The following KLRD1 variants were observed in gnomAD, a reference collection of about 807,000 sequenced individuals.
KLRD1 encodes the protein killer cell lectin like receptor D1, also known as natural killer cells antigen CD94.
KLRD1 carries 21 observed loss-of-function variants against 22.6 expected under a neutral mutation model. That is an observed-to-expected ratio of 0.93 (90% CI 0.66 to 1.34). The LOEUF is 1.34. Ranked by LOEUF, KLRD1 falls within the 40% of genes most tolerant of loss-of-function variation. The pLI is 0.00. For synonymous variants in KLRD1, 59 were observed against 71.1 expected (o/e 0.83, Z 0.85); for missense variants, 183 against 208.6 (o/e 0.88, Z 0.76).
At chr12:10,293,960 G>T (rs147080078) in intron 1 of KLRD1, among the ~76,000 whole-genome samples, 6 of 152,084 alleles carry the variant, frequency 3.9e-5, no homozygotes, top group African/African-American at 1.4e-4. Flanking sequence ...TATTCCCTTG[G>T]TATGAACGCT....
intron 1 of KLRD1, among the ~76,000 whole-genome samples, chr12:10,289,941 G>A (rs1183018009): frequency 2.6e-5 from 4 of 152,064 alleles, no homozygotes; most frequent in Non-Finnish European, 5.9e-5. Context: ...ACCACACCCA[G>A]CTAGTTTTGT....
At chr12:10,239,442 C>CT (rs1565443059) in intron 1 of KLRD1, among the ~76,000 whole-genome samples, 1 of 37,980 alleles carries the variant, frequency 2.6e-5, no homozygotes, top group African/African-American at 1.2e-4. Flanking sequence ...CCTTTCCTTC[C>CT]TTCCTTCCTT....
intron 4 of KLRD1, among the ~76,000 whole-genome samples, chr12:10,312,965 C>A (rs1343600682): frequency 5.3e-5 from 8 of 151,032 alleles, no homozygotes; most frequent in East Asian, 4.0e-4. Context: ...CCAGCCTGGG[C>A]GACAGAGCAA....
intron 1 of KLRD1, among the ~76,000 whole-genome samples, chr12:10,284,935 C>T (rs1231871592): frequency 3.3e-5 from 5 of 151,764 alleles, no homozygotes; most frequent in Non-Finnish European, 5.9e-5. Flanking sequence ...GAGCCCAGAT[C>T]GTGCCATTGC....
At chr12:10,266,273 G>T (rs918811534) in intron 1 of KLRD1, among the ~76,000 whole-genome samples, 1 of 151,966 alleles carries the variant, frequency 6.6e-6, no homozygotes, top group African/African-American at 2.4e-5. Context: ...AATATAACTT[G>T]ACAGTTTCAC....
chr12:10,297,792 A>G (rs1949835072), intron 1 of KLRD1, among the ~76,000 whole-genome samples: 1 of 152,252 alleles, frequency 6.6e-6, no homozygotes, highest in Non-Finnish European at 1.5e-5. Flanking sequence ...CTGCAGACCA[A>G]GTGAAAGTCC....
chr12:10,245,337 G>T lies in KLRD1; in HGVS notation c.-101+19104G>T, dbSNP rs553234557. On this transcript the variant is annotated intron_variant, in intron 1 of 5. Transcript: ENST00000544747. Reference sequence around the variant, plus strand: ...TGCGCCACTGCACTCCAGCCTGGGCGACAGAGCAAGACTCCATCTCAAAAA... The same window carrying T: ...TGCGCCACTGCACTCCAGCCTGGGCTACAGAGCAAGACTCCATCTCAAAAA... Among the ~76,000 whole-genome samples the T allele has an allele frequency of 6.2e-4, 95 of 152,182 alleles. No homozygotes were observed. In the Middle Eastern group the frequency reaches 0.017, roughly 27 times the overall value.
intron 1 of KLRD1, among the ~76,000 whole-genome samples, chr12:10,280,932 A>G (rs17808345): frequency 0.17 from 25,390 of 152,144 alleles, 2,736 homozygotes; most frequent in Non-Finnish European, 0.24. Flanking sequence ...TCCAGATGAG[A>G]GCAGGGAATA....
At chr12:10,241,415 A>G (rs575368934) in intron 1 of KLRD1, among the ~76,000 whole-genome samples, 3 of 152,242 alleles carry the variant, frequency 2.0e-5, no homozygotes, top group Non-Finnish European at 2.9e-5. Flanking sequence ...GTTGTGAGAA[A>G]GAGACAAAGA....
At chr12:10,272,278 G>T (rs1949557781) in intron 1 of KLRD1, among the ~76,000 whole-genome samples, 1 of 152,048 alleles carries the variant, frequency 6.6e-6, no homozygotes, top group Non-Finnish European at 1.5e-5. Context: ...GACACCAAAA[G>T]TCAATGACAT....
chr12:10,271,020 G>T (rs1949544401), intron 1 of KLRD1, among the ~76,000 whole-genome samples: 1 of 151,848 alleles, frequency 6.6e-6, no homozygotes, highest in African/African-American at 2.4e-5. Flanking sequence ...CTGACCTCAG[G>T]TGATCCGCCT....
chr12:10,310,673 TACTC>T (rs1363290151), intron 3 of KLRD1, among the ~76,000 whole-genome samples: 1 of 152,134 alleles, frequency 6.6e-6, no homozygotes, highest in Non-Finnish European at 1.5e-5. Context: ...TAGTATCAGT[TACTC>T]AGGAGGCTGA....
At chr12:10,302,020 G>A (rs1949870665), upstream of KLRD1, among the ~76,000 whole-genome samples, 7 of 152,130 alleles carry the variant, frequency 4.6e-5, no homozygotes, top group South Asian at 1.5e-3. Flanking sequence ...CATCTTATAT[G>A]GGCATGGTTC....
Position 10,325,350 on chromosome 12 carries a change from T to G in KLRD1, c.*10557T>G, listed in dbSNP as rs1370868220. On this transcript the variant is annotated 3_prime_UTR_variant, in exon 6 of 6. Transcript: ENST00000336164. ...ATCTTTGCAGATGCTTTGCTAATTT[T>G]TTAAAATTTTATTTTATTGAGGTAA... The G allele has an allele frequency of 6.6e-6, 1 of 152,212 alleles. No homozygotes were observed. Among genetic ancestry groups the G allele is most frequent in the East Asian group, 1.9e-4 (1 of 5,202 alleles). 9.4% of individuals were successfully genotyped at this position (152,212 alleles called of 1,614,324 possible). A position where few individuals can be genotyped will look rare whatever the true frequency, so the allele number is the denominator to read the frequency against.
chr12:10,297,481 T>C (rs1205577546), intron 1 of KLRD1, among the ~76,000 whole-genome samples: 1 of 152,136 alleles, frequency 6.6e-6, no homozygotes, highest in Non-Finnish European at 1.5e-5. Context: ...AATTTCTGTC[T>C]TTACCTAAGA....
At position 10,327,541 on chromosome 12, in the gene KLRD1, A is replaced by C. The variant is rs1950371820; in HGVS notation, c.*12748A>C. On this transcript the variant is annotated 3_prime_UTR_variant, in exon 6 of 6. Transcript: ENST00000336164. ...TAAATGAATATAGGAGGATTTTTGC[A>C]TGTTGATTTTGTACCCTGCAACTTT... 1 of 152,170 alleles carries C rather than the reference A, an allele frequency of 6.6e-6. No homozygotes were observed. Among genetic ancestry groups the C allele is most frequent in the Admixed American group, 6.6e-5 (1 of 15,266 alleles). 9.4% of individuals were successfully genotyped at this position (152,170 alleles called of 1,614,324 possible).
chr12:10,303,707 T>C (rs911448833), upstream of KLRD1, among the ~76,000 whole-genome samples: 1 of 152,164 alleles, frequency 6.6e-6, no homozygotes, highest in East Asian at 1.9e-4. Context: ...TTTGGGGTGA[T>C]ATGTCCTGAG....
chr12:10,254,906 TAA>T (rs1307552652), intron 1 of KLRD1, among the ~76,000 whole-genome samples: 1 of 128,722 alleles, frequency 7.8e-6, no homozygotes, highest in Non-Finnish European at 1.7e-5. Context: ...ATAAATAAAT[TAA>T]AAAAAAAAAA....
intron 1 of KLRD1, among the ~76,000 whole-genome samples, chr12:10,295,940 T>C (rs1315552925): frequency 6.6e-6 from 1 of 152,210 alleles, no homozygotes; most frequent in East Asian, 1.9e-4. Flanking sequence ...TTTAGTCTTA[T>C]CAATTGTTTT....
Sources: allele counts gnomAD v4.1 joint callset (sites outside exome capture counted in the v4.1 genomes callset), GRCh38; gene constraint gnomAD v4.1.1; transcripts MANE v1.5; gene names NCBI Gene and HGNC (gene_info 2026-07-23, HGNC 2026-07-21).